Variants in TSPAN10 observed in about 807,000 individuals in gnomAD.
TSPAN10 encodes the protein tetraspanin-10.
TSPAN10 carries 11 observed loss-of-function variants against 15.0 expected under a neutral mutation model. That is an observed-to-expected ratio of 0.73 (90% CI 0.46 to 1.21). The LOEUF is 1.21. Ranked by LOEUF, TSPAN10 falls within the 50% of genes most tolerant of loss-of-function variation. TSPAN10 has a pLI of 0.00. For synonymous variants in TSPAN10, 241 were observed against 226.2 expected (o/e 1.07, Z -0.59); for missense variants, 486 against 470.6 (o/e 1.03, Z -0.30).
At chr17:81,646,780 C>T (rs1474815641) in intron 2 of TSPAN10, among the ~76,000 whole-genome samples, 3 of 152,002 alleles carry the variant, frequency 2.0e-5, no homozygotes, top group African/African-American at 4.8e-5. Flanking sequence ...CATTAAACGC[C>T]GTGCATTTAG....
Position 81,648,192 on chromosome 17 carries a change from C to T in TSPAN10, c.966C>T (p.Arg322=), listed in dbSNP as rs1213735153. Residue 322 remains arginine, a synonymous_variant, in exon 3 of 3, where the codon CGC becomes CGT. Coordinates refer to ENST00000611590, the Ensembl canonical transcript of TSPAN10. Reference sequence around the variant, plus strand: ...GGCTACTCGGGGCCCTCGCTGCCCGCAGGGGGGCGGCGTACGGCCCCGGAG... The same window carrying T: ...GGCTACTCGGGGCCCTCGCTGCCCGTAGGGGGGCGGCGTACGGCCCCGGAG... 7 of 1,400,798 alleles carry T rather than the reference C, an allele frequency of 5.0e-6. No homozygotes were observed. In the African/African-American group the frequency reaches 1.1e-4, roughly 21 times the overall value. The allele number at this position is 1,400,798 out of a possible 1,614,324, so 86.8% of individuals were successfully genotyped here. A position where few individuals can be genotyped will look rare whatever the true frequency, so the allele number is the denominator to read the frequency against.
At chr17:81,647,729 TGTGTGTGTCC>T (rs2036273531) in intron 2 of TSPAN10, 162 bp from the exon 4 acceptor site, 1 of 686,558 alleles carries the variant, frequency 1.5e-6, no homozygotes, top group Non-Finnish European at 2.5e-6. Flanking sequence ...AGCCAGGTGC[TGTGTGTGTCC>T]GTGTGTGCAG....
exon 2 of TSPAN10, chr17:81,645,299 C>T (rs1359792355): frequency 6.5e-7 from 1 of 1,539,776 alleles, no homozygotes; most frequent in East Asian, 2.3e-5. Flanking sequence ...CTGGGGGGGC[C>T]CCTGCCCGCA....
At chr17:81,647,616 C>T in intron 2 of TSPAN10, 1 of 652,434 alleles carries the variant, frequency 1.5e-6, no homozygotes. Context: ...CTTGTCTGTT[C>T]CCCCTTCAAC....
upstream of TSPAN10, chr17:81,642,264 C>G (rs749445103): frequency 4.1e-5 from 32 of 782,938 alleles, no homozygotes; most frequent in African/African-American, 5.0e-4. Flanking sequence ...GGGTAGGGCT[C>G]GCACCTCCCC....
chr17:81,645,844 C>T (rs1447402213), intron 2 of TSPAN10: 5 of 654,818 alleles, frequency 7.6e-6, no homozygotes, highest in Admixed American at 2.7e-5. Flanking sequence ...CACTCCTCTA[C>T]ACTGACATGA....
chr17:81,648,337 G>C, downstream of TSPAN10: 1 of 1,198,418 alleles, frequency 8.3e-7, no homozygotes, highest in Non-Finnish European at 1.0e-6. Flanking sequence ...CAGGGATACA[G>C]GGGGCGCCTC....
At chr17:81,641,316 AG>A (rs1449826385), upstream of TSPAN10, among the ~76,000 whole-genome samples, 1 of 152,070 alleles carries the variant, frequency 6.6e-6, no homozygotes, top group Non-Finnish European at 1.5e-5. Context: ...GGAGCCCAGA[AG>A]CTCAGCCTGC....
At chr17:81,647,999 G>T (rs1281154309) in exon 3 of TSPAN10, 1 of 1,610,706 alleles carries the variant, frequency 6.2e-7, no homozygotes. Flanking sequence ...AACGACCAGT[G>T]CGGCTTCGGG....
intron 1 of TSPAN10, among the ~76,000 whole-genome samples, chr17:81,644,329 C>T (rs74002480): frequency 0.46 from 69,010 of 149,708 alleles, 17,248 homozygotes; most frequent in East Asian, 0.81. Context: ...GGGCACCCTC[C>T]TCCCTGTCCT....
chr17:81,643,173 T>G (rs2036198002), intron 1 of TSPAN10, among the ~76,000 whole-genome samples: 1 of 150,356 alleles, frequency 6.7e-6, no homozygotes, highest in Non-Finnish European at 1.5e-5. Flanking sequence ...CCCAGCTAAT[T>G]TTTTTTAGTC....
chr17:81,637,444 C>T (rs1012522082), upstream of TSPAN10: 10 of 644,712 alleles, frequency 1.6e-5, no homozygotes, highest in Admixed American at 2.4e-5. Flanking sequence ...CAGGATCACA[C>T]CTTCATGTTT....
upstream of TSPAN10, chr17:81,637,451 GTTTT>G (rs57463122): frequency 3.0e-5 from 19 of 631,652 alleles, no homozygotes; most frequent in Admixed American, 1.2e-4. Context: ...ACACCTTCAT[GTTTT>G]TTTTTTTAAG....
chr17:81,645,307 G>T lies in TSPAN10; in HGVS notation c.352G>T (p.Ala118Ser), dbSNP rs6565617. Residue 118 changes from alanine (A) to serine (S), a missense_variant, in exon 2 of 3, where the codon GCA becomes TCA. Physicochemically the swap from Ala to Ser is moderately conservative, Grantham distance 99. Coordinates refer to ENST00000611590, the Ensembl canonical transcript of TSPAN10. ...AAGTGATCTGGGGGGGCCCCTGCCC[G>T]CAGACCCCATGCTGGGGCTGGCACT... 734 of 1,544,160 alleles carry T rather than the reference G, an allele frequency of 4.8e-4. 1 individual carries two copies. The highest frequency in any genetic ancestry group is 6.0e-4 in the Non-Finnish European group (693 of 1,151,034).
upstream of TSPAN10, among the ~76,000 whole-genome samples, chr17:81,639,979 CAAA>C (rs1285964538): frequency 2.4e-5 from 3 of 123,288 alleles, no homozygotes. Context: ...GACTCCGTCT[CAAA>C]AAAAAAAAAA....
Position 81,647,866 on chromosome 17 carries a change from C to A in TSPAN10, c.675-35C>A, listed in dbSNP as rs778383006. On this transcript the variant is annotated intron_variant, in intron 2 of 2. Coordinates refer to ENST00000611590, the Ensembl canonical transcript of TSPAN10. ...GCCTGGTCCCAGAAGAGCGGGCCCT[C>A]CCCGCCAGAACTGACGATTCCATGC... 18 of 1,579,892 alleles carry A rather than the reference C, an allele frequency of 1.1e-5. No individual in the cohort carries two copies. In the African/African-American group the frequency reaches 2.2e-4, roughly 19 times the overall value.
chr17:81,637,224 G>A lies in TSPAN10; in HGVS notation c.-175G>A, dbSNP rs960899470. The stretch of plus-strand genomic sequence containing the variant: ...CCCGCCATCCCTGCAACTGGAGGAG[G>A]GGATTTTGGAAAGTTGCGTCTGAGA... On this transcript the variant is annotated 5_prime_UTR_variant, in exon 1 of 4. Transcript: ENST00000574882. 1.2e-4 allele frequency: 56 copies of A among 485,462 alleles called. 2 individuals are homozygous for A. The South Asian group carries it at 1.7e-3, about 15-fold the overall frequency. 30.1% of individuals were successfully genotyped at this position (485,462 alleles called of 1,614,324 possible). A position where few individuals can be genotyped will look rare whatever the true frequency, so the allele number is the denominator to read the frequency against.
chr17:81,639,912 A>G (rs9747104), upstream of TSPAN10, among the ~76,000 whole-genome samples: 76,432 of 151,266 alleles, frequency 0.51, 21,213 homozygotes, highest in East Asian at 0.99. Context: ...CCCGGGAGGC[A>G]GAGCTTGCAG....
chr17:81,641,511 C>G (rs570944466), upstream of TSPAN10, among the ~76,000 whole-genome samples: 1 of 152,052 alleles, frequency 6.6e-6, no homozygotes, highest in Non-Finnish European at 1.5e-5. Flanking sequence ...AAAACTTGCC[C>G]GGTGTGCTCC....
Sources: allele counts gnomAD v4.1 joint callset (sites outside exome capture counted in the v4.1 genomes callset), GRCh38; gene constraint gnomAD v4.1.1; transcripts MANE v1.5; gene names NCBI Gene and HGNC (gene_info 2026-07-23, HGNC 2026-07-21).